LTBP1: variants seen among roughly 807,000 people sequenced by gnomAD.
LTBP1 encodes latent-transforming growth factor beta-binding protein 1.
Under a neutral mutation model 207.6 loss-of-function variants are expected in LTBP1, and 129 were observed. The ratio of observed to expected loss-of-function variants is 0.62; its 90% CI spans 0.54 to 0.72. The LOEUF is 0.72. Among genes scored for constraint, LTBP1 ranks in the 30% least tolerant of loss-of-function variants. The pLI is 0.00. For synonymous variants in LTBP1, 963 were observed against 833.7 expected (o/e 1.16, Z -2.67); for missense variants, 2,281 against 2,217.2 (o/e 1.03, Z -0.58).
intron 2 of LTBP1, among the ~76,000 whole-genome samples, chr2:33,008,965 T>C (rs925298225): frequency 6.6e-6 from 1 of 152,030 alleles, no homozygotes; most frequent in Admixed American, 6.6e-5. Flanking sequence ...GTGACCGGAG[T>C]GTGGCACTCA....
Position 32,947,437 on chromosome 2 carries a change from T to C in LTBP1, c.113T>C (p.Leu38Pro). 2 of 1,441,806 alleles carry C rather than the reference T, an allele frequency of 1.4e-6. No individual in the cohort carries two copies. Among genetic ancestry groups the C allele is most frequent in the Non-Finnish European group, 9.1e-7 (1 of 1,100,002 alleles). 89.3% of individuals were successfully genotyped at this position (1,441,806 alleles called of 1,614,324 possible). A position where few individuals can be genotyped will look rare whatever the true frequency, so the allele number is the denominator to read the frequency against. ...TACGTGGTGCACCCGGGCCCCGGCC[T>C]GGCAGCCGGCGCCTTGCCCCTGAGC... The part of the protein sequence containing the change: ...ITYVVHPGPG[L>P]AAGALPLSGP... The change falls in exon 1 of 34, where the codon CTG becomes CCG. Residue 38 changes from leucine (L) to proline (P), a missense_variant. Physicochemically the swap from Leu to Pro is moderately conservative, Grantham distance 98 (BLOSUM62 -3). Coordinates refer to ENST00000404816, the MANE Select transcript of LTBP1 (RefSeq NM_206943.4).
intron 7 of LTBP1, among the ~76,000 whole-genome samples, chr2:33,192,105 C>G (rs994131390): frequency 6.6e-6 from 1 of 152,086 alleles, no homozygotes; most frequent in African/African-American, 2.4e-5. Flanking sequence ...GAGAACAGTA[C>G]AAGAAATGGG....
intron 3 of LTBP1, among the ~76,000 whole-genome samples, chr2:33,023,187 G>C (rs959812890): frequency 2.6e-5 from 4 of 152,284 alleles, no homozygotes; most frequent in African/African-American, 9.6e-5. Flanking sequence ...GCGATCAAGA[G>C]TCAGATTACT....
At chr2:33,029,785 C>G (rs544617116) in intron 3 of LTBP1, among the ~76,000 whole-genome samples, 16 of 152,222 alleles carry the variant, frequency 1.1e-4, no homozygotes, top group African/African-American at 3.9e-4. Context: ...GCCCCAAATT[C>G]AAATAAAAGG....
intron 24 of LTBP1, among the ~76,000 whole-genome samples, chr2:33,327,151 G>T (rs1054772092): frequency 6.6e-6 from 1 of 152,168 alleles, no homozygotes; most frequent in Admixed American, 6.5e-5. Flanking sequence ...CTCTGGGAAG[G>T]GGGTGAGTCC....
intron 26 of LTBP1, among the ~76,000 whole-genome samples, chr2:33,354,265 T>G (rs1369586512): frequency 6.6e-6 from 1 of 152,176 alleles, no homozygotes; most frequent in Non-Finnish European, 1.5e-5. Flanking sequence ...GTTAACCTGT[T>G]AAATAAATTT....
intron 23 of LTBP1, among the ~76,000 whole-genome samples, chr2:33,310,990 G>T (rs2094177817): frequency 6.6e-6 from 1 of 152,074 alleles, no homozygotes; most frequent in Non-Finnish European, 1.5e-5. Flanking sequence ...AAAAAAAATT[G>T]TTGGAGTTAC....
chr2:33,139,085 C>T (rs2150709391), intron 5 of LTBP1, among the ~76,000 whole-genome samples: 2 of 151,908 alleles, frequency 1.3e-5, no homozygotes, highest in South Asian at 2.1e-4. Context: ...GTCTCCATCT[C>T]CTGACCTCGT....
At chr2:32,949,693 C>T (rs1676812145) in intron 2 of LTBP1, among the ~76,000 whole-genome samples, 1 of 152,184 alleles carries the variant, frequency 6.6e-6, no homozygotes, top group African/African-American at 2.4e-5. Flanking sequence ...CCTTCCCCCT[C>T]AGAAAAAGTG....
Position 32,975,541 on chromosome 2 carries a change from T to C in LTBP1, c.565+26596T>C, listed in dbSNP as rs567333870. ...GCCCATGAGTCATAGATTTGGTCCC[T>C]TCACATAATCCCATATTTGTTGGAG... On this transcript the variant is annotated intron_variant, in intron 2 of 33. Coordinates refer to ENST00000404816, the MANE Select transcript of LTBP1 (RefSeq NM_206943.4). Among the ~76,000 whole-genome samples the C allele has an allele frequency of 2.0e-5, 3 of 150,890 alleles. No individual in the cohort carries two copies. In the South Asian group the frequency reaches 6.3e-4, roughly 32 times the overall value.
chr2:33,263,443 G>A lies in LTBP1; in HGVS notation c.2617+51G>A, dbSNP rs111898766. 1,982 of 1,339,886 alleles carry A rather than the reference G, an allele frequency of 1.5e-3. 21 individuals carry two copies. The African/African-American group carries it at 0.025, about 17-fold the overall frequency. The allele number at this position is 1,339,886 out of a possible 1,614,324, so 83.0% of individuals were successfully genotyped here. The stretch of plus-strand genomic sequence containing the variant: ...TATCACATGGAGGAGACGTGGGGCT[G>A]AGCTTCATTTTAAATGTAGTATCCA... On this transcript the variant is annotated intron_variant, in intron 15 of 33. Coordinates refer to ENST00000404816, the MANE Select transcript of LTBP1 (RefSeq NM_206943.4).
chr2:33,093,458 C>T (rs2079215861), intron 3 of LTBP1, among the ~76,000 whole-genome samples: 1 of 151,998 alleles, frequency 6.6e-6, no homozygotes, highest in Admixed American at 6.6e-5. Flanking sequence ...GAAACATTCT[C>T]TTGGCAGTTT....
chr2:33,122,606 C>G (rs2081199944), intron 4 of LTBP1, among the ~76,000 whole-genome samples: 1 of 152,172 alleles, frequency 6.6e-6, no homozygotes, highest in Non-Finnish European at 1.5e-5. Context: ...GTATCTGGAA[C>G]AGACGTATAA....
intron 2 of LTBP1, among the ~76,000 whole-genome samples, chr2:32,949,727 A>G (rs997784722): frequency 1.1e-4 from 17 of 152,228 alleles, no homozygotes; most frequent in African/African-American, 3.6e-4. Flanking sequence ...TGTTCTTTGC[A>G]TAGAGATTGA....
chr2:33,246,434 A>G (rs1262168189), intron 10 of LTBP1, among the ~76,000 whole-genome samples: 1 of 152,000 alleles, frequency 6.6e-6, no homozygotes, highest in Non-Finnish European at 1.5e-5. Flanking sequence ...TTTGGTAGTC[A>G]CAGGGAAATA....
At chr2:33,044,276 A>C (rs1021450564) in intron 3 of LTBP1, among the ~76,000 whole-genome samples, 3 of 151,380 alleles carry the variant, frequency 2.0e-5, no homozygotes, top group Non-Finnish European at 4.4e-5. Flanking sequence ...CCCCCTACCC[A>C]CTGACAGGCC....
At chr2:32,974,829 C>T (rs1681458331) in intron 2 of LTBP1, among the ~76,000 whole-genome samples, 1 of 152,152 alleles carries the variant, frequency 6.6e-6, no homozygotes, top group Non-Finnish European at 1.5e-5. Flanking sequence ...ACTTCTTTAT[C>T]CGACTTCGTA....
At chr2:33,342,479 C>G (rs2094640287) in intron 24 of LTBP1, among the ~76,000 whole-genome samples, 1 of 152,076 alleles carries the variant, frequency 6.6e-6, no homozygotes, top group Non-Finnish European at 1.5e-5. Context: ...AAACAAGTGA[C>G]AATATTTTCA....
intron 20 of LTBP1, among the ~76,000 whole-genome samples, chr2:33,299,382 A>G (rs1051973277): frequency 6.6e-6 from 1 of 152,334 alleles, no homozygotes; most frequent in African/African-American, 2.4e-5. Flanking sequence ...GAAGAAAACC[A>G]CAGTCATACA....
Sources: gnomAD v4.1 joint callset for allele counts (sites outside exome capture counted in the v4.1 genomes callset) on GRCh38, gnomAD v4.1.1 for gene constraint, MANE v1.5 for transcripts, NCBI Gene and HGNC (gene_info 2026-07-23, HGNC 2026-07-21) for gene names.